Variants in APBA2 observed in about 807,000 individuals in gnomAD.
APBA2 encodes amyloid-beta A4 precursor protein-binding family A member 2.
A neutral mutation model predicts 75.0 loss-of-function variants in APBA2; 30 were observed. The ratio of observed to expected loss-of-function variants is 0.40; its 90% CI spans 0.30 to 0.54. APBA2 has a LOEUF of 0.54. Among genes scored for constraint, APBA2 ranks in the 20% least tolerant of loss-of-function variants. The pLI, the probability that APBA2 is intolerant of heterozygous loss-of-function variation, is 0.49. For missense variants in APBA2, 801 were observed against 1,016.1 expected (o/e 0.79, Z 2.88); for synonymous variants, 444 against 409.6 (o/e 1.08, Z -1.01).
chr15:28,931,157 T>C (rs1277864536), intron 2 of APBA2, among the ~76,000 whole-genome samples: 6 of 152,220 alleles, frequency 3.9e-5, no homozygotes, highest in South Asian at 4.1e-4. Context: ...TGGTACCCCG[T>C]AGGCCAGAAA....
chr15:29,017,754 A>T (rs1486489432), intron 3 of APBA2, among the ~76,000 whole-genome samples: 1 of 152,042 alleles, frequency 6.6e-6, no homozygotes, highest in Non-Finnish European at 1.5e-5. Context: ...GCTTGCTCTT[A>T]CTTTGGCTCT....
intron 2 of APBA2, among the ~76,000 whole-genome samples, chr15:28,988,599 A>C (rs2038053565): frequency 6.6e-6 from 1 of 152,174 alleles, no homozygotes; most frequent in Non-Finnish European, 1.5e-5. Flanking sequence ...TGTTTGTGAG[A>C]TTCATCCATG....
chr15:29,015,856 G>C (rs2039632969), intron 3 of APBA2, among the ~76,000 whole-genome samples: 1 of 152,236 alleles, frequency 6.6e-6, no homozygotes, highest in Non-Finnish European at 1.5e-5. Context: ...ACCCGGGGCA[G>C]ATCCTTGCAG....
intron 9 of APBA2, among the ~76,000 whole-genome samples, chr15:29,100,298 G>A (rs955135991): frequency 1.1e-4 from 16 of 152,312 alleles, no homozygotes; most frequent in African/African-American, 3.6e-4. Flanking sequence ...GGTGACTCTT[G>A]TGGTTATGAA....
chr15:28,949,211 C>A (rs2035717170), intron 2 of APBA2, among the ~76,000 whole-genome samples: 1 of 152,060 alleles, frequency 6.6e-6, no homozygotes, highest in Admixed American at 6.6e-5. Flanking sequence ...CTGAAACCTT[C>A]CGAAAAGCAA....
intron 2 of APBA2, among the ~76,000 whole-genome samples, chr15:28,992,971 T>C (rs903365089): frequency 2.8e-4 from 43 of 152,168 alleles, no homozygotes; most frequent in Admixed American, 9.8e-4. Flanking sequence ...TTCTGTCTGA[T>C]CACAAACAGC....
intron 3 of APBA2, among the ~76,000 whole-genome samples, chr15:29,028,948 T>A (rs1456729082): frequency 1.3e-5 from 2 of 152,170 alleles, no homozygotes; most frequent in Non-Finnish European, 2.9e-5. Context: ...TTTCTCCCAC[T>A]CTGTGGGTTG....
intron 1 of APBA2, among the ~76,000 whole-genome samples, chr15:28,891,196 T>G (rs141627793): frequency 0.28 from 42,054 of 152,160 alleles, 6,104 homozygotes; most frequent in Non-Finnish European, 0.3. Flanking sequence ...TTTGTCATTT[T>G]AAATAATTTC....
intron 3 of APBA2, among the ~76,000 whole-genome samples, chr15:29,042,335 C>T (rs995356846): frequency 1.3e-4 from 20 of 152,202 alleles, no homozygotes; most frequent in Middle Eastern, 6.8e-3. Context: ...TGCAGTGGCC[C>T]GATCTCAGCT....
intron 1 of APBA2, among the ~76,000 whole-genome samples, chr15:28,889,238 C>T (rs1197455323): frequency 6.6e-6 from 1 of 152,212 alleles, no homozygotes; most frequent in Non-Finnish European, 1.5e-5. Flanking sequence ...CTTCCCCTCT[C>T]TCCCTGTCCA....
Position 28,965,842 on chromosome 15 carries a change from A to G in APBA2, c.-94-29911A>G, listed in dbSNP as rs538637987. ...TTGTACCCTGAAACCTTACTGAACT[A>G]TATGTTTTCCTCTCAGCACTGTCTG... is the stretch of plus-strand genomic sequence containing the variant. On this transcript the variant is annotated intron_variant, in intron 2 of 14. Coordinates refer to ENST00000683413, the MANE Select transcript of APBA2 (RefSeq NM_001353788.2). Among the ~76,000 whole-genome samples, 73 of 152,250 alleles carry G rather than the reference A, an allele frequency of 4.8e-4. No individual in the cohort carries two copies. In the South Asian group the frequency reaches 0.014, roughly 29 times the overall value.
intron 2 of APBA2, among the ~76,000 whole-genome samples, chr15:28,949,940 A>G (rs1376337860): frequency 6.6e-6 from 1 of 152,170 alleles, no homozygotes; most frequent in Non-Finnish European, 1.5e-5. Flanking sequence ...GTCCATTGCT[A>G]TGAACTAAAC....
At chr15:29,113,352 G>GGC (rs1555417042) in intron 13 of APBA2, among the ~76,000 whole-genome samples, 4 of 127,940 alleles carry the variant, frequency 3.1e-5, no homozygotes, top group Admixed American at 2.4e-4. Flanking sequence ...GTCACTTGGC[G>GGC]GGGGGGGGAT....
rs1382652695 is a variant in APBA2 at position 29,105,396 on chromosome 15, G to A, written c.1542G>A (p.Gln514=). 6.2e-7 allele frequency: 1 copy of A among 1,612,212 alleles called. No homozygotes were observed. Among genetic ancestry groups the A allele is most frequent in the Non-Finnish European group, 8.5e-7 (1 of 1,179,956 alleles). The change falls in exon 11 of 15, where the codon CAG becomes CAA. Residue 514 remains glutamine, a synonymous_variant. Transcript: ENST00000683413. ...FESEDAQLIA[Q]SIGQAFSVAY... is the part of the protein sequence containing the mutation. Reference sequence around the variant, plus strand: ...CTGCACAGGCCCAGCTCATCGCCCAGTCTATCGGCCAGGCCTTCAGCGTGG... The same window carrying A: ...CTGCACAGGCCCAGCTCATCGCCCAATCTATCGGCCAGGCCTTCAGCGTGG...
rs1225520990 is a variant in APBA2, at chr15:29,118,169, G to A, written c.*1036G>A. ...AGTCTCTTTTTTTGGCCCAGGCCTT[G>A]AAGAATACACTGTGACTTAAGAAGC... On this transcript the variant is annotated 3_prime_UTR_variant, in exon 15 of 15. Transcript: ENST00000683413. The A allele has an allele frequency of 6.6e-6, 1 of 152,640 alleles. No homozygotes were observed. Among genetic ancestry groups the A allele is most frequent in the Non-Finnish European group, 1.5e-5 (1 of 68,056 alleles). 9.5% of individuals were successfully genotyped at this position (152,640 alleles called of 1,614,324 possible).
intron 3 of APBA2, among the ~76,000 whole-genome samples, chr15:29,050,265 A>G (rs964693159): frequency 5.3e-5 from 8 of 152,240 alleles, no homozygotes; most frequent in Admixed American, 2.0e-4. Flanking sequence ...CAATACAATA[A>G]TCTTATACCT....
chr15:28,915,059 A>C (rs1328671399), intron 1 of APBA2, among the ~76,000 whole-genome samples: 4 of 148,178 alleles, frequency 2.7e-5, no homozygotes, highest in Admixed American at 2.7e-4. Context: ...CACACACACC[A>C]CACACATACC....
intron 2 of APBA2, chr15:28,990,919 G>A (rs2038194503): frequency 6.6e-6 from 1 of 152,214 alleles, no homozygotes; most frequent in Non-Finnish European, 1.5e-5. Flanking sequence ...GTTTCTGGAA[G>A]TTAGACTCTT....
At position 29,064,480 on chromosome 15, in the gene APBA2, A is replaced by T. The variant is rs182160550; in HGVS notation, c.951+9645A>T. Among the ~76,000 whole-genome samples, 315 of 152,294 alleles carry T rather than the reference A, an allele frequency of 2.1e-3. 3 individuals carry two copies. Among genetic ancestry groups the T allele is most frequent in the Non-Finnish European group, 3.6e-3 (245 of 68,026 alleles). The stretch of plus-strand genomic sequence containing the variant: ...CATGAGACTCTCCCCGCCCCCATCC[A>T]GGTGTGGCCAGGCTCCAGACGAGTT... On this transcript the variant is annotated intron_variant, in intron 4 of 14. Coordinates refer to ENST00000683413, the MANE Select transcript of APBA2 (RefSeq NM_001353788.2).
Sources: gnomAD v4.1 joint callset for allele counts (sites outside exome capture counted in the v4.1 genomes callset) on GRCh38, gnomAD v4.1.1 for gene constraint, MANE v1.5 for transcripts, NCBI Gene and HGNC (gene_info 2026-07-23, HGNC 2026-07-21) for gene names.